The following NRXN3 variants were observed in gnomAD, a reference collection of about 807,000 sequenced individuals.
The protein encoded by NRXN3 is neurexin III.
NRXN3 carries 32 observed loss-of-function variants against 137.6 expected under a neutral mutation model. The observed-to-expected ratio is 0.23, with a 90% confidence interval of 0.18 to 0.31. The LOEUF (loss-of-function observed/expected upper bound fraction) is 0.31, where lower values mean the gene tolerates loss of function less well. NRXN3 is among the 10% of genes least tolerant of loss of function. The pLI, the probability that NRXN3 is intolerant of heterozygous loss-of-function variation, is 1.00. For synonymous variants in NRXN3, 798 were observed against 784.5 expected (o/e 1.02, Z -0.29); for missense variants, 1,574 against 2,062.5 (o/e 0.76, Z 4.59).
intron 6 of NRXN3, among the ~76,000 whole-genome samples, chr14:78,700,731 TA>T (rs1214054057): frequency 6.6e-6 from 1 of 152,222 alleles, no homozygotes; most frequent in African/African-American, 2.4e-5. Context: ...ACTGAGCCTT[TA>T]TAGTATCCTT....
At chr14:78,268,865 C>G (rs2072249945) in intron 2 of NRXN3, among the ~76,000 whole-genome samples, 1 of 152,054 alleles carries the variant, frequency 6.6e-6, no homozygotes, top group Non-Finnish European at 1.5e-5. Context: ...ATAATCCCTG[C>G]CACGCTGTCT....
At chr14:78,561,997 A>C (rs899785614) in intron 4 of NRXN3, among the ~76,000 whole-genome samples, 2 of 152,216 alleles carry the variant, frequency 1.3e-5, no homozygotes, top group Non-Finnish European at 2.9e-5. Context: ...CTCTTCTGCA[A>C]TGTATCCTTG....
At chr14:79,094,026 C>T (rs974167498) in intron 15 of NRXN3, among the ~76,000 whole-genome samples, 1 of 152,056 alleles carries the variant, frequency 6.6e-6, no homozygotes, top group South Asian at 2.1e-4. Context: ...AAGTCAAGCT[C>T]TCCTGTCCTC....
chr14:79,253,950 A>AC (rs2076261332), intron 15 of NRXN3, among the ~76,000 whole-genome samples: 3 of 152,242 alleles, frequency 2.0e-5, no homozygotes, highest in Non-Finnish European at 4.4e-5. Context: ...ATACATTTGT[A>AC]AGTTCATAGT....
chr14:79,672,211 G>T (rs1449642779), intron 17 of NRXN3, among the ~76,000 whole-genome samples: 1 of 151,950 alleles, frequency 6.6e-6, no homozygotes, highest in Non-Finnish European at 1.5e-5. Flanking sequence ...ACTATCTTGG[G>T]ATTTAAAGAA....
At chr14:79,223,637 A>G (rs141415833) in intron 15 of NRXN3, among the ~76,000 whole-genome samples, 127 of 152,262 alleles carry the variant, frequency 8.3e-4, no homozygotes, top group African/African-American at 2.8e-3. Context: ...CTGATCTATG[A>G]GCAGTAATTG....
intron 19 of NRXN3, among the ~76,000 whole-genome samples, chr14:79,722,620 G>C (rs1388590102): frequency 6.6e-6 from 1 of 152,068 alleles, no homozygotes; most frequent in East Asian, 1.9e-4. Context: ...GCCAATCTCA[G>C]ATTTTACCTC....
At chr14:78,843,568 T>G (rs529844922) in intron 10 of NRXN3, among the ~76,000 whole-genome samples, 1 of 152,126 alleles carries the variant, frequency 6.6e-6, no homozygotes, top group Non-Finnish European at 1.5e-5. Context: ...ATACTAAGCA[T>G]GCAAAAAGAT....
intron 20 of NRXN3, among the ~76,000 whole-genome samples, chr14:79,845,888 T>G (rs1407581295): frequency 0.09 from 1,046 of 11,604 alleles, 85 homozygotes; most frequent in African/African-American, 0.12. Flanking sequence ...GAGAGAGAGA[T>G]GGAGAGAAAG....
At chr14:78,823,634 C>A (rs1418157339) in intron 10 of NRXN3, among the ~76,000 whole-genome samples, 2 of 152,286 alleles carry the variant, frequency 1.3e-5, no homozygotes, top group East Asian at 3.9e-4. Context: ...CTGGCCATCC[C>A]AGAGGCTGGG....
At chr14:79,389,984 T>C (rs1466106415) in intron 15 of NRXN3, among the ~76,000 whole-genome samples, 1 of 152,154 alleles carries the variant, frequency 6.6e-6, no homozygotes, top group Admixed American at 6.5e-5. Context: ...TTGAAAGCAG[T>C]TTGGAAATAC....
intron 4 of NRXN3, among the ~76,000 whole-genome samples, chr14:78,351,105 T>G (rs1436825998): frequency 1.3e-5 from 2 of 152,204 alleles, no homozygotes; most frequent in Non-Finnish European, 1.5e-5. Context: ...CATAGTTAAG[T>G]GTTCATAAAC....
At chr14:78,653,381 A>G (rs1456454836) in intron 6 of NRXN3, among the ~76,000 whole-genome samples, 1 of 152,208 alleles carries the variant, frequency 6.6e-6, no homozygotes, top group Non-Finnish European at 1.5e-5. Flanking sequence ...AAAGACTGCA[A>G]CATTCTTGTT....
At chr14:78,471,940 C>A (rs1046602157) in intron 4 of NRXN3, among the ~76,000 whole-genome samples, 2 of 152,164 alleles carry the variant, frequency 1.3e-5, no homozygotes, top group Admixed American at 6.5e-5. Flanking sequence ...TCAAACCTAC[C>A]TTTCTGATTT....
intron 4 of NRXN3, among the ~76,000 whole-genome samples, chr14:78,522,331 A>G (rs2096295497): frequency 6.6e-6 from 1 of 152,192 alleles, no homozygotes; most frequent in African/African-American, 2.4e-5. Flanking sequence ...AGAGCCATTA[A>G]ATCGAGGTGT....
At chr14:78,895,558 T>C (rs2152721476) in intron 10 of NRXN3, among the ~76,000 whole-genome samples, 1 of 152,068 alleles carries the variant, frequency 6.6e-6, no homozygotes, top group South Asian at 2.1e-4. Flanking sequence ...TCTTATCATC[T>C]GTGTGTTCAC....
At chr14:79,013,047 T>A (rs976247718) in intron 15 of NRXN3, among the ~76,000 whole-genome samples, 1 of 152,158 alleles carries the variant, frequency 6.6e-6, no homozygotes, top group Non-Finnish European at 1.5e-5. Flanking sequence ...ACACATGGTG[T>A]ATGTGTATGT....
intron 4 of NRXN3, among the ~76,000 whole-genome samples, chr14:78,482,142 A>G (rs1401350486): frequency 6.6e-6 from 1 of 152,220 alleles, no homozygotes; most frequent in Non-Finnish European, 1.5e-5. Flanking sequence ...ATGTATTTAT[A>G]TCAGCTGACT....
intron 4 of NRXN3, among the ~76,000 whole-genome samples, chr14:78,350,096 T>C (rs1037651575): frequency 3.9e-5 from 6 of 152,138 alleles, no homozygotes; most frequent in African/African-American, 1.4e-4. Context: ...GAGACCAGCT[T>C]GGCCAACATG....
Sources: gnomAD v4.1 joint callset for allele counts (sites outside exome capture counted in the v4.1 genomes callset) on GRCh38, gnomAD v4.1.1 for gene constraint, MANE v1.5 for transcripts, NCBI Gene and HGNC (gene_info 2026-07-23, HGNC 2026-07-21) for gene names.